PREX2: variants seen among roughly 807,000 people sequenced by gnomAD.
The protein encoded by PREX2 is phosphatidylinositol-3,4,5-trisphosphate dependent Rac exchange factor 2.
PREX2 carries 107 observed loss-of-function variants against 203.2 expected under a neutral mutation model. The ratio of observed to expected loss-of-function variants is 0.53; its 90% CI spans 0.45 to 0.62. The LOEUF (loss-of-function observed/expected upper bound fraction) is 0.62. Ranked by LOEUF, PREX2 falls within the 20% of genes least tolerant of loss-of-function variation. PREX2 has a pLI of 0.00. For missense variants in PREX2, 1,777 were observed against 1,955.9 expected (o/e 0.91, Z 1.72); for synonymous variants, 672 against 663.6 (o/e 1.01, Z -0.19).
At chr8:68,026,617 A>C (rs1408635384) in intron 4 of PREX2, among the ~76,000 whole-genome samples, 2 of 151,606 alleles carry the variant, frequency 1.3e-5, no homozygotes, top group Non-Finnish European at 2.9e-5. Context: ...AGATTTCCTC[A>C]TTCATCTTGC....
chr8:68,079,053 C>G (rs1001833279), intron 15 of PREX2, among the ~76,000 whole-genome samples: 1 of 152,296 alleles, frequency 6.6e-6, no homozygotes, highest in East Asian at 1.9e-4. Context: ...GGCGCAGTGG[C>G]TCATGCCTGT....
Position 68,174,634 on chromosome 8 carries a change from C to G in PREX2, c.4347-17088C>G, listed in dbSNP as rs570587695. Reference sequence around the variant, plus strand: ...TCAGTCTTTTAAAAATAATCCTATTCCATGATTCTATGGTAACACTTAACC... The same window carrying G: ...TCAGTCTTTTAAAAATAATCCTATTGCATGATTCTATGGTAACACTTAACC... On this transcript the variant is annotated intron_variant, in intron 35 of 39. Transcript: ENST00000288368. Among the ~76,000 whole-genome samples the G allele has an allele frequency of 3.0e-4, 45 of 152,296 alleles. 1 individual carries two copies. The highest frequency in any genetic ancestry group is 6.5e-4 in the Admixed American group (10 of 15,288).
At chr8:68,162,948 C>T (rs57487545) in intron 35 of PREX2, among the ~76,000 whole-genome samples, 2,142 of 152,244 alleles carry the variant, frequency 0.014, 54 homozygotes, top group African/African-American at 0.047. Flanking sequence ...ATAGTATAAA[C>T]TTGTCTGACC....
chr8:67,958,925 A>G (rs1229313843), intron 1 of PREX2, among the ~76,000 whole-genome samples: 101 of 152,216 alleles, frequency 6.6e-4, no homozygotes, highest in Non-Finnish European at 2.6e-4. Flanking sequence ...CACAAATACT[A>G]CTATGATTTT....
Position 68,097,214 on chromosome 8 carries a change from C to A in PREX2, c.2553+13C>A. 1 of 1,585,780 alleles carries A rather than the reference C, an allele frequency of 6.3e-7. No individual in the cohort carries two copies. The highest frequency in any genetic ancestry group is 8.6e-7 in the Non-Finnish European group (1 of 1,164,672). ...CTTAACTGCCAAGGTAGGAGCGATG[C>A]TGAAGAAATAAGATTTTTTGTTCTA... On this transcript the variant is annotated intron_variant, in intron 22 of 39. Coordinates refer to ENST00000288368, the MANE Select transcript of PREX2 (RefSeq NM_024870.4).
intron 1 of PREX2, among the ~76,000 whole-genome samples, chr8:68,014,790 T>C (rs111447560): frequency 6.8e-4 from 104 of 152,342 alleles, no homozygotes; most frequent in Non-Finnish European, 1.3e-3. Flanking sequence ...TAAAGAATTG[T>C]TCATCAGAAG....
chr8:68,122,527 G>T (rs746409786), intron 30 of PREX2, among the ~76,000 whole-genome samples: 5 of 151,988 alleles, frequency 3.3e-5, no homozygotes, highest in Non-Finnish European at 5.9e-5. Context: ...CATTTCTGCT[G>T]AATAGATGCC....
At chr8:68,146,072 A>G in intron 33 of PREX2, 137 bp from the exon 34 acceptor site, 1 of 604,440 alleles carries the variant, frequency 1.7e-6, no homozygotes, top group Non-Finnish European at 2.8e-6. Context: ...TGTATGTCGA[A>G]TCCCAACTTG....
At chr8:68,010,568 C>T (rs985777505) in intron 1 of PREX2, among the ~76,000 whole-genome samples, 4 of 152,184 alleles carry the variant, frequency 2.6e-5, no homozygotes, top group African/African-American at 9.7e-5. Context: ...TGTGCTAGCA[C>T]TTTGCAAAGG....
intron 1 of PREX2, among the ~76,000 whole-genome samples, chr8:67,964,251 C>T (rs1256416835): frequency 6.6e-6 from 1 of 152,180 alleles, no homozygotes; most frequent in East Asian, 1.9e-4. Flanking sequence ...CTCTCATCCC[C>T]ACGACCAGAT....
chr8:68,022,193 T>C, intron 4 of PREX2, 53 bp downstream of exon 4: 1 of 905,790 alleles, frequency 1.1e-6, no homozygotes, highest in Non-Finnish European at 1.9e-6. Flanking sequence ...CTAGATCCAG[T>C]GAGAGCCAAG....
chr8:67,966,234 T>C (rs929310616), intron 1 of PREX2, among the ~76,000 whole-genome samples: 2 of 152,118 alleles, frequency 1.3e-5, no homozygotes, highest in African/African-American at 2.4e-5. Context: ...GCTAGGATAT[T>C]TGAATAAATT....
chr8:68,088,521 A>G (rs1227229680), intron 19 of PREX2, among the ~76,000 whole-genome samples: 1 of 152,222 alleles, frequency 6.6e-6, no homozygotes, highest in Admixed American at 6.5e-5. Context: ...AATGTAAAGT[A>G]TCTTGATGTG....
chr8:68,155,000 A>G (rs942833863), intron 34 of PREX2, among the ~76,000 whole-genome samples: 21 of 152,138 alleles, frequency 1.4e-4, no homozygotes, highest in African/African-American at 5.1e-4. Flanking sequence ...GGAGAAATAG[A>G]TATTATCTTG....
At chr8:68,011,305 A>G (rs951956633) in intron 1 of PREX2, among the ~76,000 whole-genome samples, 1 of 152,118 alleles carries the variant, frequency 6.6e-6, no homozygotes, top group African/African-American at 2.4e-5. Flanking sequence ...CTCTGGAATG[A>G]TCAGTATTAA....
At chr8:68,136,643 A>AT (rs1340976112) in intron 32 of PREX2, among the ~76,000 whole-genome samples, 2 of 152,100 alleles carry the variant, frequency 1.3e-5, no homozygotes, top group Non-Finnish European at 2.9e-5. Context: ...GGGTCATGAC[A>AT]TTTTTTTGCT....
chr8:67,976,460 GAGA>G (rs1210275485), intron 1 of PREX2, among the ~76,000 whole-genome samples: 122 of 148,046 alleles, frequency 8.2e-4, no homozygotes, highest in African/African-American at 1.5e-3. Flanking sequence ...GAGAGAGAGA[GAGA>G]GACAGAGACA....
intron 33 of PREX2, among the ~76,000 whole-genome samples, chr8:68,139,818 A>G (rs1260002875): frequency 6.6e-6 from 1 of 152,240 alleles, no homozygotes; most frequent in Non-Finnish European, 1.5e-5. Context: ...GGTTATATTT[A>G]TTCAAGAATT....
chr8:67,994,609 A>G (rs1806711175), intron 1 of PREX2, among the ~76,000 whole-genome samples: 1 of 152,224 alleles, frequency 6.6e-6, no homozygotes, highest in Non-Finnish European at 1.5e-5. Context: ...AAAGAAAGTT[A>G]TATCCTAAGA....
Sources: allele counts gnomAD v4.1 joint callset (sites outside exome capture counted in the v4.1 genomes callset), GRCh38; gene constraint gnomAD v4.1.1; transcripts MANE v1.5; gene names NCBI Gene and HGNC (gene_info 2026-07-23, HGNC 2026-07-21).